CHRD: variants seen among roughly 807,000 people sequenced by gnomAD.
CHRD encodes chordin.
Under a neutral mutation model 113.7 loss-of-function variants are expected in CHRD, and 69 were observed. The ratio of observed to expected loss-of-function variants is 0.61; its 90% CI spans 0.50 to 0.74. The LOEUF is 0.74. Ranked by LOEUF, CHRD falls within the 30% of genes least tolerant of loss-of-function variation. The pLI is 0.00. For synonymous variants in CHRD, 561 were observed against 540.8 expected, an observed-to-expected ratio of 1.04 and a Z score of -0.52; for missense variants, 1,194 against 1,295.8, an observed-to-expected ratio of 0.92 and a Z score of 1.21.
In CHRD at chr3:184,382,999, C is replaced by T; in HGVS notation, c.1066-17C>T. The T allele has an allele frequency of 1.2e-6, 2 of 1,612,590 alleles. No homozygotes were observed. Among genetic ancestry groups the T allele is most frequent in the African/African-American group, 1.3e-5 (1 of 74,994 alleles). ...TGGCCTCTTGCTATTGCCCATCACA[C>T]CCTGCTCTGTCCCCAGGAACCAGGC... is the stretch of plus-strand genomic sequence containing the variant. On this transcript the variant is annotated splice_polypyrimidine_tract_variant and intron_variant, in intron 9 of 22. Transcript: ENST00000204604.
exon 8 of CHRD, chr3:184,382,655 C>A: frequency 6.2e-7 from 1 of 1,613,548 alleles, no homozygotes; most frequent in Non-Finnish European, 8.5e-7. Context: ...GCCATCCTGA[C>A]TCTAGAAGGC....
Position 184,389,012 on chromosome 3 carries a change from A to G in CHRD, c.2812+17A>G, listed in dbSNP as rs761070250. On this transcript the variant is annotated intron_variant, in intron 22 of 22. Transcript: ENST00000204604. ...ACCGGCGGCGTAAGTGAGGGAGTCC[A>G]GGGTCAGCAGCTGTGAGTGGAGGGC... 5 of 1,575,410 alleles carry G rather than the reference A, an allele frequency of 3.2e-6. No individual in the cohort carries two copies. The highest frequency in any genetic ancestry group is 4.3e-6 in the Non-Finnish European group (5 of 1,151,290).
chr3:184,384,895 C>T lies in CHRD; in HGVS notation c.1598-123C>T, dbSNP rs541304331. On this transcript the variant is annotated intron_variant, in intron 13 of 22. Transcript: ENST00000204604. This position sits in a 1 kb window ranked among gnomAD's most constrained non-coding sequence, Gnocchi z 4.4. ...GTCTAAAACTTGCTGCTCTCCAGGC[C>T]CTGGACCTATGGACAGTGTCTTCCA... The T allele has an allele frequency of 3.0e-5, 38 of 1,253,040 alleles. No homozygotes were observed. In the African/African-American group the frequency reaches 4.7e-4, roughly 16 times the overall value. The allele number at this position is 1,253,040 out of a possible 1,614,324, so 77.6% of individuals were successfully genotyped here. A position where few individuals can be genotyped will look rare whatever the true frequency, so the allele number is the denominator to read the frequency against.
Position 184,388,802 on chromosome 3 carries a change from G to T in CHRD, c.2709+61G>T. 1.4e-5 allele frequency: 23 copies of T among 1,607,028 alleles called. No individual in the cohort carries two copies. Among genetic ancestry groups the T allele is most frequent in the Non-Finnish European group, 2.0e-5 (23 of 1,174,958 alleles). ...CTGGGAGCCTGGTCTGGAGTAGGGA[G>T]ACCTTCCCAGGGAGGTCCCTGAAGA... On this transcript the variant is annotated intron_variant, in intron 21 of 22. Coordinates refer to ENST00000204604, the Ensembl canonical transcript of CHRD. The surrounding 1 kb of genome is among the most constrained non-coding windows in gnomAD (Gnocchi z 6.1).
At position 184,381,509 on chromosome 3, in the gene CHRD, G is replaced by A. The variant is rs772266252; in HGVS notation, c.396G>A (p.Ser132=). 1 of 1,598,884 alleles carries A rather than the reference G, an allele frequency of 6.3e-7. No individual in the cohort carries two copies. The highest frequency in any genetic ancestry group is 1.1e-5 in the South Asian group (1 of 89,500). ...CCCCGCCCGCAGAGCGCAGCAGTTCGGAGCGGCAGCCGAGCGGCCTGTCCT... is the reference window on the plus strand; with the variant it reads ...CCCCGCCCGCAGAGCGCAGCAGTTCAGAGCGGCAGCCGAGCGGCCTGTCCT... The change falls in exon 4 of 23, where the codon TCG becomes TCA. Residue 132 remains serine, a synonymous_variant. Transcript: ENST00000204604. This position sits in a 1 kb window ranked among gnomAD's most constrained non-coding sequence, Gnocchi z 4.7.
At chr3:184,385,137 G>C in exon 14 of CHRD, 1 of 1,614,178 alleles carries the variant, frequency 6.2e-7, no homozygotes, top group Non-Finnish European at 8.5e-7. Flanking sequence ...GCTGCTGGCT[G>C]GGCTTGGTGG....
Position 184,381,287 on chromosome 3 carries a change from T to G in CHRD, c.305T>G (p.Ile102Ser), listed in dbSNP as rs1715342879. ...CCTGGCAGGGTCAGCTGCAAGAACATCAAACCAGAGTGCCCAACCCCGGCC... is the reference window on the plus strand; with the variant it reads ...CCTGGCAGGGTCAGCTGCAAGAACAGCAAACCAGAGTGCCCAACCCCGGCC... Residue 102 changes from isoleucine (I) to serine (S), a missense_variant, in exon 3 of 23, where the codon ATC becomes AGC. Transcript: ENST00000204604. The surrounding 1 kb of genome is among the most constrained non-coding windows in gnomAD (Gnocchi z 4.7). 1 of 1,612,770 alleles carries G rather than the reference T, an allele frequency of 6.2e-7. No individual in the cohort carries two copies.
At chr3:184,385,581 G>T (rs976293252) in intron 14 of CHRD, among the ~76,000 whole-genome samples, 1 of 146,544 alleles carries the variant, frequency 6.8e-6, no homozygotes, top group Non-Finnish European at 1.5e-5. Context: ...CAGGAGAATC[G>T]CTTGAACCTG....
At chr3:184,382,903 C>A (rs752438053) in exon 9 of CHRD, 1 of 1,613,918 alleles carries the variant, frequency 6.2e-7, no homozygotes, top group Non-Finnish European at 8.5e-7. Context: ...CCAGGGGCAG[C>A]TACTGCGAGA....
Position 184,384,969 on chromosome 3 carries a change from T to C in CHRD, c.1598-49T>C. Reference sequence around the variant, plus strand: ...GCTGGGAATGCTGGGTTTGAGGGCTTGCCCTAGGCCACCTTCTCACCTGTC... The same window carrying C: ...GCTGGGAATGCTGGGTTTGAGGGCTCGCCCTAGGCCACCTTCTCACCTGTC... On this transcript the variant is annotated intron_variant, in intron 13 of 22. Transcript: ENST00000204604. The surrounding 1 kb of genome is among the most constrained non-coding windows in gnomAD (Gnocchi z 4.4). The C allele has an allele frequency of 6.3e-7, 1 of 1,579,616 alleles. No individual in the cohort carries two copies. The highest frequency in any genetic ancestry group is 2.1e-4 in the Middle Eastern group (1 of 4,818).
rs1577381732 is a variant in CHRD, at chr3:184,381,298, T to G, written c.316T>G (p.Cys106Gly). 1 of 1,612,116 alleles carries G rather than the reference T, an allele frequency of 6.2e-7. No homozygotes were observed. The highest frequency in any genetic ancestry group is 8.5e-7 in the Non-Finnish European group (1 of 1,179,498). The stretch of plus-strand genomic sequence containing the variant: ...CAGCTGCAAGAACATCAAACCAGAG[T>G]GCCCAACCCCGGCCTGTGGGCAGCC... Residue 106 changes from cysteine to glycine, a missense_variant, in exon 3 of 23, where the codon TGC becomes GGC. Coordinates refer to ENST00000204604, the Ensembl canonical transcript of CHRD. This position sits in a 1 kb window ranked among gnomAD's most constrained non-coding sequence, Gnocchi z 4.7.
chr3:184,386,699 C>A, exon 16 of CHRD: 1 of 1,612,516 alleles, frequency 6.2e-7, no homozygotes, highest in Non-Finnish European at 8.5e-7. Context: ...GCAGCGCCCC[C>A]ACGGGGCTCG....
In CHRD at chr3:184,384,633, G is replaced by A. The variant is rs760580943; in HGVS notation, c.1537G>A (p.Gly513Arg). 2.5e-6 allele frequency: 4 copies of A among 1,607,768 alleles called. No individual in the cohort carries two copies. Among genetic ancestry groups the A allele is most frequent in the Non-Finnish European group, 3.4e-6 (4 of 1,177,048 alleles). The change falls in exon 13 of 23, where the codon GGA becomes AGA. Residue 513 changes from glycine (G) to arginine (R), a missense_variant. Coordinates refer to ENST00000204604, the Ensembl canonical transcript of CHRD. This position sits in a 1 kb window ranked among gnomAD's most constrained non-coding sequence, Gnocchi z 4.4. ...CGTGGGCACCAAGGACTTCCCAGAC[G>A]GAGAGCTTCGGGGGCACGTGGCTGC...
chr3:184,389,872 G>A (rs894006386), downstream of CHRD: 2 of 159,368 alleles, frequency 1.3e-5, no homozygotes, highest in African/African-American at 2.4e-5. Context: ...AACCTGAGTG[G>A]GGCCTGGTGG....
In CHRD at chr3:184,380,662, A is replaced by C. The variant is rs763657800; in HGVS notation, c.149-30A>C. The stretch of plus-strand genomic sequence containing the variant: ...GGGCGGCACACGGCGCGAGCTGGGC[A>C]GCGGCCTCCAGCCAAGCCCGTCCCC... On this transcript the variant is annotated intron_variant, in intron 1 of 22. Coordinates refer to ENST00000204604, the Ensembl canonical transcript of CHRD. The surrounding 1 kb of genome is among the most constrained non-coding windows in gnomAD (Gnocchi z 6.3). 29 of 1,524,982 alleles carry C rather than the reference A, an allele frequency of 1.9e-5. No individual in the cohort carries two copies. The highest frequency in any genetic ancestry group is 2.5e-5 in the Non-Finnish European group (28 of 1,139,068). 94.5% of individuals were successfully genotyped at this position (1,524,982 alleles called of 1,614,324 possible). A position where few individuals can be genotyped will look rare whatever the true frequency, so the allele number is the denominator to read the frequency against.
chr3:184,382,246 G>A, intron 6 of CHRD, 143 bp from the exon 7 acceptor site: 1 of 1,356,996 alleles, frequency 7.4e-7, no homozygotes, highest in Non-Finnish European at 1.0e-6. Flanking sequence ...CAAGCATCTG[G>A]CTCCAGCGTT....
rs1448218998 is a variant in CHRD at position 184,388,864 on chromosome 3, C to T, written c.2710-29C>T. ...ACTGTGTCCCAGTGCCTCTGGGGGA[C>T]ACTCAGTGTCTGCTCTGTCTTGTAC... is the stretch of plus-strand genomic sequence containing the variant. On this transcript the variant is annotated intron_variant, in intron 21 of 22. Coordinates refer to ENST00000204604, the Ensembl canonical transcript of CHRD. This position sits in a 1 kb window ranked among gnomAD's most constrained non-coding sequence, Gnocchi z 6.1. 3 of 1,606,806 alleles carry T rather than the reference C, an allele frequency of 1.9e-6. No individual in the cohort carries two copies. Among genetic ancestry groups the T allele is most frequent in the African/African-American group, 1.3e-5 (1 of 74,922 alleles).
chr3:184,390,572 A>C (rs959291527), downstream of CHRD: 4 of 151,606 alleles, frequency 2.6e-5, no homozygotes, highest in African/African-American at 9.7e-5. Context: ...GTAGAGAATA[A>C]GACAAGACCC....
chr3:184,380,832 GT>G lies in CHRD; in HGVS notation c.252+38del. The G allele has an allele frequency of 1.3e-6, 2 of 1,496,954 alleles. No individual in the cohort carries two copies. Among genetic ancestry groups the G allele is most frequent in the Non-Finnish European group, 1.8e-6 (2 of 1,119,606 alleles). 92.7% of individuals were successfully genotyped at this position (1,496,954 alleles called of 1,614,324 possible). A position where few individuals can be genotyped will look rare whatever the true frequency, so the allele number is the denominator to read the frequency against. Reference sequence around the variant, plus strand: ...CCGCGGCCGGCCCGGGCCCTGGCGGGTGGGGAGCGCCGGGTCGCGCGGGCGT... The same window carrying G: ...CCGCGGCCGGCCCGGGCCCTGGCGGGGGGGAGCGCCGGGTCGCGCGGGCGT... On this transcript the variant is annotated intron_variant, in intron 2 of 22. Transcript: ENST00000204604. The surrounding 1 kb of genome is among the most constrained non-coding windows in gnomAD (Gnocchi z 6.3).
Sources: allele counts gnomAD v4.1 joint callset (sites outside exome capture counted in the v4.1 genomes callset), GRCh38; gene constraint gnomAD v4.1.1; non-coding constraint Gnocchi (gnomAD v3.1); transcripts MANE v1.5; gene names NCBI Gene and HGNC (gene_info 2026-07-23, HGNC 2026-07-21).